ZNF786: variants seen among roughly 807,000 people sequenced by gnomAD.
The protein encoded by ZNF786 is zinc finger protein 786.
A neutral mutation model predicts 63.1 loss-of-function variants in ZNF786; 56 were observed. That is an observed-to-expected ratio of 0.89 (90% CI 0.72 to 1.11). ZNF786 has a LOEUF of 1.11. Ranked by LOEUF, ZNF786 falls within the 50% of genes least tolerant of loss-of-function variation. The pLI is 0.00. For missense variants in ZNF786, 1,213 were observed against 1,041.8 expected, an observed-to-expected ratio of 1.16 and a Z score of -2.26; for synonymous variants, 485 against 406.9, an observed-to-expected ratio of 1.19 and a Z score of -2.31.
intron 2 of ZNF786, among the ~76,000 whole-genome samples, chr7:149,076,885 C>T (rs948854293): frequency 2.0e-5 from 3 of 152,096 alleles, no homozygotes; most frequent in African/African-American, 7.2e-5. Context: ...TTTTCTTCTG[C>T]TCCCTGGCAT....
intron 3 of ZNF786, among the ~76,000 whole-genome samples, chr7:149,073,895 A>G (rs904949081): frequency 3.3e-5 from 5 of 149,952 alleles, no homozygotes; most frequent in East Asian, 4.0e-4. Flanking sequence ...GGTTCAAGCA[A>G]TTCTTCTCCC....
rs71529669 is a variant in ZNF786, at chr7:149,076,720, A to G, written c.146-2182T>C. Among the ~76,000 whole-genome samples, 405 of 24,464 alleles carry G rather than the reference A, an allele frequency of 0.017. 14 individuals are homozygous for G. The East Asian group carries it at 0.33, about 20-fold the overall frequency. 16.0% of individuals were successfully genotyped at this position (24,464 alleles called of 152,430 possible). ...GGCAAGAGAGAGAGACTCCATCTTG[A>G]AAAAAAAAAAAAAAAAAACTACATA... On this transcript the variant is annotated intron_variant, in intron 2 of 3. Transcript: ENST00000491431.
At chr7:149,084,292 G>T (rs1052128236) in intron 1 of ZNF786, among the ~76,000 whole-genome samples, 1 of 148,804 alleles carries the variant, frequency 6.7e-6, no homozygotes, top group African/African-American at 2.5e-5. Flanking sequence ...AACCCAGGAG[G>T]CAGAGGTTCC....
In ZNF786 at chr7:149,071,308, C is replaced by T. The variant is rs761643071; in HGVS notation, c.1464G>A (p.Leu488=). ...EKPFQCPECG[L]SFRLESMLRA... ...TCAGCATGCTCTCCAGGCGGAAGCTCAGCCCACACTCTGGGCACTGAAAGG... is the reference window on the plus strand; with the variant it reads ...TCAGCATGCTCTCCAGGCGGAAGCTTAGCCCACACTCTGGGCACTGAAAGG... The change falls in exon 4 of 4, where the codon CTG becomes CTA. Residue 488 remains leucine (L), a synonymous_variant. Transcript: ENST00000491431. The T allele has an allele frequency of 6.2e-7, 1 of 1,613,356 alleles. No homozygotes were observed. The highest frequency in any genetic ancestry group is 8.5e-7 in the Non-Finnish European group (1 of 1,179,834).
chr7:149,088,957 CTTTT>C (rs34834738), intron 1 of ZNF786, among the ~76,000 whole-genome samples: 7 of 122,548 alleles, frequency 5.7e-5, no homozygotes, highest in Admixed American at 8.4e-5. Context: ...TGTTGAGTTT[CTTTT>C]TTTTTTTTTT....
At chr7:149,088,429 C>T (rs1433188325) in intron 1 of ZNF786, among the ~76,000 whole-genome samples, 2 of 152,198 alleles carry the variant, frequency 1.3e-5, no homozygotes, top group Non-Finnish European at 2.9e-5. Context: ...GTATGTGTAA[C>T]ATTTCTCCCA....
At chr7:149,079,912 C>T (rs1825622842) in intron 2 of ZNF786, among the ~76,000 whole-genome samples, 2 of 150,218 alleles carry the variant, frequency 1.3e-5, no homozygotes, top group Admixed American at 6.6e-5. Flanking sequence ...TAGTGGCTCA[C>T]GCCTGTAATC....
chr7:149,073,414 T>G (rs1825468010), intron 3 of ZNF786, among the ~76,000 whole-genome samples: 2 of 151,972 alleles, frequency 1.3e-5, no homozygotes, highest in Non-Finnish European at 2.9e-5. Flanking sequence ...CCAGGCATGG[T>G]GGCTCACACC....
At position 149,073,691 on chromosome 7, in the gene ZNF786, A is replaced by G. The variant is rs148042626; in HGVS notation, c.298+695T>C. On this transcript the variant is annotated intron_variant, in intron 3 of 3. Transcript: ENST00000491431. ...TATATTTATGTATACATTTATATAC[A>G]TATGTATATACACGTGTGTGTGTAT... Among the ~76,000 whole-genome samples the G allele has an allele frequency of 6.4e-4, 94 of 146,852 alleles. 2 individuals are homozygous for G. In the East Asian group the frequency reaches 0.016, roughly 24 times the overall value.
rs1052612169 is a variant in ZNF786, at chr7:149,079,136, T to C, written c.145+1455A>G. ...AGATAAGAATGAAACGGGCTGGGCG[T>C]GGTGGCTCACGCCTGTAATCCCAGC... is the stretch of plus-strand genomic sequence containing the variant. On this transcript the variant is annotated intron_variant, in intron 2 of 3. Coordinates refer to ENST00000491431, the MANE Select transcript of ZNF786 (RefSeq NM_152411.4). 1.4e-4 allele frequency among the ~76,000 whole-genome samples: 21 copies of C among 152,244 alleles called. No individual in the cohort carries two copies. The East Asian group carries it at 3.7e-3, about 27-fold the overall frequency.
At position 149,071,800 on chromosome 7, in the gene ZNF786, G is replaced by T; in HGVS notation, c.972C>A (p.Ala324=). 1.3e-6 allele frequency: 2 copies of T among 1,585,252 alleles called. No individual in the cohort carries two copies. Among genetic ancestry groups the T allele is most frequent in the Non-Finnish European group, 8.5e-7 (1 of 1,171,034 alleles). ...AGGCCCCGCGGCCTTCTCTCCAAGAGGCCGGCCCCTCCCGGCTGTGCTGGC... is the reference window on the plus strand; with the variant it reads ...AGGCCCCGCGGCCTTCTCTCCAAGATGCCGGCCCCTCCCGGCTGTGCTGGC... ...RRCQHSREGP[A]SWREGRGASS... The change falls in exon 4 of 4, where the codon GCC becomes GCA. Residue 324 remains alanine (A), a synonymous_variant. Transcript: ENST00000491431.
At chr7:149,076,757 A>T (rs978016445) in intron 2 of ZNF786, among the ~76,000 whole-genome samples, 2 of 150,666 alleles carry the variant, frequency 1.3e-5, no homozygotes, top group African/African-American at 4.9e-5. Flanking sequence ...ACCATACCAC[A>T]TTGTACTGCA....
intron 2 of ZNF786, among the ~76,000 whole-genome samples, chr7:149,079,595 G>A (rs1162748709): frequency 7.3e-6 from 1 of 137,910 alleles, no homozygotes; most frequent in Non-Finnish European, 1.6e-5. Flanking sequence ...TTTTTGGAAC[G>A]GAGTCTCACT....
chr7:149,070,855 G>A lies in ZNF786; in HGVS notation c.1917C>T (p.His639=). The A allele has an allele frequency of 1.2e-6, 2 of 1,613,738 alleles. No individual in the cohort carries two copies. Among genetic ancestry groups the A allele is most frequent in the Non-Finnish European group, 1.7e-6 (2 of 1,179,938 alleles). The part of the protein sequence containing the change: ...RYRVKADMKA[H]QLLHSGEMPF... ...GCATCTCCCCGCTGTGCAGCAGCTG[G>A]TGGGCCTTCATGTCGGCCTTCACGC... is the stretch of plus-strand genomic sequence containing the variant. Residue 639 remains histidine, a synonymous_variant, in exon 4 of 4, where the codon CAC becomes CAT. Coordinates refer to ENST00000491431, the MANE Select transcript of ZNF786 (RefSeq NM_152411.4).
chr7:149,080,502 TG>T, intron 2 of ZNF786, 88 bp downstream of exon 2: 1 of 1,338,438 alleles, frequency 7.5e-7, no homozygotes, highest in South Asian at 1.9e-5. Flanking sequence ...TGAGAAATCT[TG>T]CTACCTGAGA....
At position 149,070,495 on chromosome 7, in the gene ZNF786, A is replaced by C; in HGVS notation, c.2277T>G (p.Pro759=). ...TCTTAATGTCCAGTTCATTTGGAGCAGGACAGGATTTTGTGTGTACTCTGA... is the reference window on the plus strand; with the variant it reads ...TCTTAATGTCCAGTTCATTTGGAGCCGGACAGGATTTTGTGTGTACTCTGA... The part of the protein sequence containing the change: ...EHIRVHTKSC[P]APNELDIKKR... Residue 759 remains proline (P), a synonymous_variant, in exon 4 of 4, where the codon CCT becomes CCG. Transcript: ENST00000491431. The C allele has an allele frequency of 1.2e-6, 2 of 1,614,058 alleles. No individual in the cohort carries two copies. The highest frequency in any genetic ancestry group is 1.7e-6 in the Non-Finnish European group (2 of 1,179,900).
Position 149,071,129 on chromosome 7 carries a change from A to G in ZNF786, c.1643T>C (p.Leu548Pro). ...CTGGTGGGCCTTCAGGATGCCCTTCAGGCGGAAGCGCTTGTCGCACTTCAG... is the reference window on the plus strand; with the variant it reads ...CTGGTGGGCCTTCAGGATGCCCTTCGGGCGGAAGCGCTTGTCGCACTTCAG... ...QCLKCDKRFR[L>P]KGILKAHQHT... The change falls in exon 4 of 4, where the codon CTG (leucine) becomes CCG (proline). Residue 548 changes from leucine (L) to proline (P), a missense_variant. Leu to Pro is a moderately conservative substitution (Grantham distance 98). Transcript: ENST00000491431. The G allele has an allele frequency of 6.2e-7, 1 of 1,611,240 alleles. No homozygotes were observed.
chr7:149,071,322 G>C lies in ZNF786; in HGVS notation c.1450C>G (p.Pro484Ala). Residue 484 changes from proline (P) to alanine (A), a missense_variant, in exon 4 of 4, where the codon CCA (proline) becomes GCA (alanine). Physicochemically the swap from Pro to Ala is conservative, Grantham distance 27. Coordinates refer to ENST00000491431, the MANE Select transcript of ZNF786 (RefSeq NM_152411.4). Reference protein sequence around the residue: ...LHTDEKPFQCPECGLSFRLES... With the variant: ...LHTDEKPFQCAECGLSFRLES... ...AGGCGGAAGCTCAGCCCACACTCTG[G>C]GCACTGAAAGGGCTTCTCGTCCGTG... is the stretch of plus-strand genomic sequence containing the variant. 6.2e-7 allele frequency: 1 copy of C among 1,612,854 alleles called. No homozygotes were observed. Among genetic ancestry groups the C allele is most frequent in the Non-Finnish European group, 8.5e-7 (1 of 1,179,692 alleles).
intron 2 of ZNF786, among the ~76,000 whole-genome samples, chr7:149,076,090 T>A (rs937223403): frequency 1.1e-4 from 16 of 152,018 alleles, no homozygotes; most frequent in Admixed American, 1.1e-3. Context: ...TTAAAATATA[T>A]ATGTATAAAT....
Sources: gnomAD v4.1 joint callset for allele counts (sites outside exome capture counted in the v4.1 genomes callset) on GRCh38, gnomAD v4.1.1 for gene constraint, MANE v1.5 for transcripts, NCBI Gene and HGNC (gene_info 2026-07-23, HGNC 2026-07-21) for gene names.